The following PWWP2B variants were observed in gnomAD, a reference collection of about 807,000 sequenced individuals.
PWWP2B encodes the protein PWWP domain-containing protein 2B.
A neutral mutation model predicts 15.5 loss-of-function variants in PWWP2B; 9 were observed. That is an observed-to-expected ratio of 0.58 (90% CI 0.35 to 1.02). PWWP2B has a LOEUF of 1.02. PWWP2B is among the 50% of genes least tolerant of loss of function. PWWP2B has a pLI of 0.02. For synonymous variants in PWWP2B, 474 were observed against 403.6 expected (o/e 1.17, Z -2.09); for missense variants, 864 against 865.3 (o/e 1.00, Z 0.02).
chr10:132,399,389 C>T (rs1409683594), intron 1 of PWWP2B, among the ~76,000 whole-genome samples: 1 of 152,246 alleles, frequency 6.6e-6, no homozygotes, highest in East Asian at 1.9e-4. Context: ...AGCAATCCCA[C>T]GGGAATGGCG....
intron 2 of PWWP2B, among the ~76,000 whole-genome samples, chr10:132,408,412 G>A (rs1006755176): frequency 1.3e-4 from 20 of 152,206 alleles, no homozygotes; most frequent in East Asian, 1.9e-4. Context: ...CTGGGAAGGG[G>A]GACCCGCCAC....
In PWWP2B at chr10:132,405,851, G is replaced by A. The variant is rs377752918; in HGVS notation, c.1351G>A (p.Gly451Ser). ...CACGGGTGACCTCTCGCCTGGCCACGGCGCGTCAGCGCCCTCGGTGTCCAG... is the reference window on the plus strand; with the variant it reads ...CACGGGTGACCTCTCGCCTGGCCACAGCGCGTCAGCGCCCTCGGTGTCCAG... Reference protein sequence around the residue: ...ADTGDLSPGHGASAPSVSREA... With the variant: ...ADTGDLSPGHSASAPSVSREA... Residue 451 changes from glycine to serine, a missense_variant, in exon 2 of 3, where the codon GGC (glycine) becomes AGC (serine). By Grantham distance (56) the Gly-to-Ser change is moderately conservative (BLOSUM62 0). Coordinates refer to ENST00000305233, the MANE Select transcript of PWWP2B (RefSeq NM_138499.4). 5.5e-5 allele frequency: 89 copies of A among 1,610,920 alleles called. No individual in the cohort carries two copies. In the African/African-American group the frequency reaches 6.4e-4, roughly 12 times the overall value.
chr10:132,411,886 G>A (rs181070390), intron 2 of PWWP2B, among the ~76,000 whole-genome samples: 246 of 152,350 alleles, frequency 1.6e-3, no homozygotes, highest in Non-Finnish European at 2.8e-3. Flanking sequence ...AAATAAAAAC[G>A]CTCTTCTGCT....
chr10:132,407,786 G>T (rs1390285688), intron 2 of PWWP2B, among the ~76,000 whole-genome samples: 1 of 152,248 alleles, frequency 6.6e-6, no homozygotes, highest in East Asian at 1.9e-4. Context: ...TGGCGAGTGG[G>T]TGTGGGTGCC....
intron 1 of PWWP2B, among the ~76,000 whole-genome samples, chr10:132,399,086 C>T (rs901073483): frequency 1.3e-5 from 2 of 148,222 alleles, no homozygotes; most frequent in Admixed American, 6.7e-5. Context: ...GAGTCTCCAG[C>T]CGGTTCTCTG....
chr10:132,400,974 G>A (rs1157434825), intron 1 of PWWP2B, among the ~76,000 whole-genome samples: 2 of 152,228 alleles, frequency 1.3e-5, no homozygotes, highest in Non-Finnish European at 2.9e-5. Context: ...CGCTGCCAGC[G>A]AGTGCAGGGG....
Position 132,405,201 on chromosome 10 carries a change from G to A in PWWP2B, c.701G>A (p.Arg234Lys), listed in dbSNP as rs774420278. 15 of 1,580,572 alleles carry A rather than the reference G, an allele frequency of 9.5e-6. No homozygotes were observed. The highest frequency in any genetic ancestry group is 5.7e-5 in the South Asian group (5 of 87,304). ...TAAATARRSK[R>K]ERREEDRAPA... ...GCGGCCACCGCCAGGAGGAGCAAGA[G>A]GGAGAGGCGCGAGGAGGACAGGGCC... Residue 234 changes from arginine (R) to lysine (K), a missense_variant, in exon 2 of 3, where the codon AGG becomes AAG. Coordinates refer to ENST00000305233, the MANE Select transcript of PWWP2B (RefSeq NM_138499.4).
At chr10:132,401,310 G>C (rs1038826132) in intron 1 of PWWP2B, among the ~76,000 whole-genome samples, 6 of 152,234 alleles carry the variant, frequency 3.9e-5, no homozygotes, top group African/African-American at 1.2e-4. Flanking sequence ...TCAAAGCAAA[G>C]GTTATTTGTT....
chr10:132,398,513 G>A (rs2069568105), intron 1 of PWWP2B, among the ~76,000 whole-genome samples: 1 of 152,226 alleles, frequency 6.6e-6, no homozygotes, highest in Admixed American at 6.5e-5. Context: ...CCGCACCCCT[G>A]CCAGACCTGC....
chr10:132,402,590 C>T (rs2069628039), intron 1 of PWWP2B, among the ~76,000 whole-genome samples: 1 of 152,246 alleles, frequency 6.6e-6, no homozygotes, highest in Non-Finnish European at 1.5e-5. Context: ...TCTCAGAATG[C>T]TCAGCCTGTA....
intron 2 of PWWP2B, among the ~76,000 whole-genome samples, chr10:132,408,738 G>A (rs1472599094): frequency 3.3e-5 from 5 of 152,252 alleles, no homozygotes; most frequent in African/African-American, 7.2e-5. Context: ...GATCGGCTCC[G>A]TTGCAGGGAC....
Position 132,405,404 on chromosome 10 carries a change from C to A in PWWP2B, c.904C>A (p.Arg302=). 1 of 1,610,886 alleles carries A rather than the reference C, an allele frequency of 6.2e-7. No individual in the cohort carries two copies. Among genetic ancestry groups the A allele is most frequent in the Non-Finnish European group, 8.5e-7 (1 of 1,179,188 alleles). The change falls in exon 2 of 3, where the codon CGG becomes AGG. Residue 302 remains arginine, a synonymous_variant. Coordinates refer to ENST00000305233, the MANE Select transcript of PWWP2B (RefSeq NM_138499.4). The stretch of plus-strand genomic sequence containing the variant: ...CCCCGAGGTGCTGGACAGAGAGTCC[C>A]GGGACCGGCCGTCCTGCGCGCCCTC... ...QDPEVLDRES[R]DRPSCAPSAS...
intron 2 of PWWP2B, among the ~76,000 whole-genome samples, chr10:132,410,181 C>T (rs369875589): frequency 4.6e-5 from 7 of 152,076 alleles, no homozygotes; most frequent in Non-Finnish European, 1.5e-5. Flanking sequence ...GTGCAGGTGT[C>T]GCTCCTGGAA....
rs533089960 is a variant in PWWP2B at position 132,414,942 on chromosome 10, C to T, written c.*17-2119C>T. Among the ~76,000 whole-genome samples the T allele has an allele frequency of 8.9e-4, 135 of 152,282 alleles. 1 individual carries two copies. The highest frequency in any genetic ancestry group is 3.2e-3 in the African/African-American group (131 of 41,560). On this transcript the variant is annotated intron_variant, in intron 2 of 2. Transcript: ENST00000305233. ...CAGCGGGGCCTCCGAGAGCCTCCTG[C>T]TCCCCCTGGGACGTGAATGGGAGAT...
chr10:132,417,112 CG>C lies in PWWP2B; in HGVS notation c.*72del. On this transcript the variant is annotated 3_prime_UTR_variant, in exon 3 of 3. Transcript: ENST00000305233. ...TGTCCTGGAGCTTCCGATCTCTGTTCGGGGACCCTGTGAGCCTTCTGGCCGG... is the reference window on the plus strand; with the variant it reads ...TGTCCTGGAGCTTCCGATCTCTGTTCGGGACCCTGTGAGCCTTCTGGCCGG... The C allele has an allele frequency of 6.2e-7, 1 of 1,613,284 alleles. No individual in the cohort carries two copies. Among genetic ancestry groups the C allele is most frequent in the African/African-American group, 1.3e-5 (1 of 75,040 alleles).
chr10:132,411,686 G>A (rs1033761183), intron 2 of PWWP2B, among the ~76,000 whole-genome samples: 4 of 152,240 alleles, frequency 2.6e-5, no homozygotes, highest in Non-Finnish European at 5.9e-5. Flanking sequence ...GAAGCTGCCC[G>A]GCACTGGAGT....
rs377752918 is a variant in PWWP2B at position 132,405,851 on chromosome 10, G to C, written c.1351G>C (p.Gly451Arg). 1.9e-6 allele frequency: 3 copies of C among 1,610,920 alleles called. No homozygotes were observed. Among genetic ancestry groups the C allele is most frequent in the East Asian group, 2.2e-5 (1 of 44,824 alleles). Reference protein sequence around the residue: ...ADTGDLSPGHGASAPSVSREA... With the variant: ...ADTGDLSPGHRASAPSVSREA... ...CACGGGTGACCTCTCGCCTGGCCAC[G>C]GCGCGTCAGCGCCCTCGGTGTCCAG... The change falls in exon 2 of 3, where the codon GGC becomes CGC. Residue 451 changes from glycine (G) to arginine (R), a missense_variant. Transcript: ENST00000305233.
chr10:132,415,480 C>G (rs922233463), intron 2 of PWWP2B, among the ~76,000 whole-genome samples: 4 of 149,930 alleles, frequency 2.7e-5, no homozygotes, highest in Non-Finnish European at 4.4e-5. Context: ...CACATTCACT[C>G]AAACACACCC....
intron 2 of PWWP2B, among the ~76,000 whole-genome samples, chr10:132,408,900 G>T (rs1277261348): frequency 1.3e-5 from 2 of 152,368 alleles, no homozygotes; most frequent in East Asian, 1.9e-4. Context: ...AGGCAGCCTG[G>T]CTGGCACAAG....
Sources: allele counts gnomAD v4.1 joint callset (sites outside exome capture counted in the v4.1 genomes callset), GRCh38; gene constraint gnomAD v4.1.1; transcripts MANE v1.5; gene names NCBI Gene and HGNC (gene_info 2026-07-23, HGNC 2026-07-21).